GANC: variants seen among roughly 807,000 people sequenced by gnomAD.
The protein encoded by GANC is glucosidase alpha, neutral C.
In GANC, 117 loss-of-function variants were observed where a neutral mutation model predicts 124.2. The observed-to-expected ratio is 0.94, with a 90% confidence interval of 0.81 to 1.10. GANC has a LOEUF of 1.10. Among genes scored for constraint, GANC ranks in the 50% least tolerant of loss-of-function variants. The probability of loss-of-function intolerance (pLI) is 0.00; values close to 1 mark genes in which losing one functional copy is unlikely to be tolerated. For synonymous variants in GANC, 377 were observed against 376.8 expected, an observed-to-expected ratio of 1.00 and a Z score of -0.01; for missense variants, 1,140 against 1,095.0, an observed-to-expected ratio of 1.04 and a Z score of -0.58.
At chr15:42,316,163 T>C (rs1566956218) in intron 10 of GANC, among the ~76,000 whole-genome samples, 1 of 152,154 alleles carries the variant, frequency 6.6e-6, no homozygotes, top group Admixed American at 6.5e-5. Context: ...TGTATGCCAA[T>C]GATCACTGTA....
intron 19 of GANC, among the ~76,000 whole-genome samples, chr15:42,344,411 T>C (rs1362830904): frequency 1.3e-5 from 2 of 152,196 alleles, no homozygotes; most frequent in Non-Finnish European, 2.9e-5. Flanking sequence ...TGTGTGTCTC[T>C]GTCTATCTCT....
chr15:42,329,590 GTA>G, intron 14 of GANC, 141 bp downstream of exon 14: 1 of 710,776 alleles, frequency 1.4e-6, no homozygotes, highest in South Asian at 2.9e-5. Context: ...TGAGTCTTAG[GTA>G]GTAGCCAATA....
Position 42,306,543 on chromosome 15 carries a change from C to G in GANC, c.559-3C>G. On this transcript the variant is annotated splice_polypyrimidine_tract_variant and splice_region_variant and intron_variant, in intron 6 of 23. Coordinates refer to ENST00000318010, the MANE Select transcript of GANC (RefSeq NM_198141.3). ...CAGTTTGCTCCCTTTTTTGTACCAACAGGAAAATCAAGAAGATCTGGGCCT... is the reference window on the plus strand; with the variant it reads ...CAGTTTGCTCCCTTTTTTGTACCAAGAGGAAAATCAAGAAGATCTGGGCCT... 1 of 1,608,358 alleles carries G rather than the reference C, an allele frequency of 6.2e-7. No individual in the cohort carries two copies. The highest frequency in any genetic ancestry group is 8.5e-7 in the Non-Finnish European group (1 of 1,178,152).
At chr15:42,307,572 T>G (rs10775126) in intron 7 of GANC, among the ~76,000 whole-genome samples, 106,517 of 152,144 alleles carry the variant, frequency 0.7, 41,049 homozygotes, top group Non-Finnish European at 0.86. Context: ...CCATTTGATG[T>G]CAAATACTTT....
At chr15:42,330,838 A>C (rs1438260256) in intron 15 of GANC, among the ~76,000 whole-genome samples, 166 bp downstream of exon 15, 1 of 123,018 alleles carries the variant, frequency 8.1e-6, no homozygotes, top group Non-Finnish European at 1.6e-5. Flanking sequence ...CCCAGGCTGG[A>C]GTGCAGTGGC....
At chr15:42,330,818 C>T (rs1239139178) in intron 15 of GANC, 146 bp downstream of exon 15, 17 of 583,008 alleles carry the variant, frequency 2.9e-5, no homozygotes, top group African/African-American at 9.2e-5. Flanking sequence ...AACAGAGTCT[C>T]GCTTTGTCAC....
At chr15:42,349,529 A>G in intron 22 of GANC, 34 bp downstream of exon 22, 3 of 1,237,888 alleles carry the variant, frequency 2.4e-6, no homozygotes, top group Non-Finnish European at 3.6e-6. Context: ...TTGTTTTCTT[A>G]AGTAAATCAC....
At chr15:42,293,726 C>A (rs2051865666) in intron 5 of GANC, among the ~76,000 whole-genome samples, 1 of 151,652 alleles carries the variant, frequency 6.6e-6, no homozygotes, top group African/African-American at 2.4e-5. Flanking sequence ...GAACAAATAT[C>A]TGTGTACCCA....
chr15:42,288,760 A>G (rs1450648885), intron 4 of GANC, among the ~76,000 whole-genome samples: 1 of 152,146 alleles, frequency 6.6e-6, no homozygotes, highest in South Asian at 2.1e-4. Context: ...CTGGCCTCAA[A>G]TGATTCTCCC....
intron 3 of GANC, among the ~76,000 whole-genome samples, chr15:42,283,019 A>G (rs1315658721): frequency 6.6e-6 from 1 of 152,160 alleles, no homozygotes; most frequent in Admixed American, 6.5e-5. Context: ...ATCTAAACCT[A>G]ATTACCTCCC....
chr15:42,341,736 C>A (rs1197564739), intron 18 of GANC, among the ~76,000 whole-genome samples: 1 of 151,952 alleles, frequency 6.6e-6, no homozygotes, highest in African/African-American at 2.4e-5. Flanking sequence ...CTAATTTTTT[C>A]TATTTTTAGT....
Position 42,310,350 on chromosome 15 carries a change from A to T in GANC, c.790A>T (p.Ile264Phe). 6.2e-7 allele frequency: 1 copy of T among 1,613,646 alleles called. No homozygotes were observed. The highest frequency in any genetic ancestry group is 1.1e-5 in the South Asian group (1 of 91,016). Residue 264 changes from isoleucine (I) to phenylalanine (F), a missense_variant, in exon 9 of 24, where the codon ATT becomes TTT. By Grantham distance (21) the Ile-to-Phe change is conservative. Transcript: ENST00000318010. ...ATACCAAATATATGATAAAATGGGC[A>T]TTTATGGTTCAGTACCTTATCTCCT... is the stretch of plus-strand genomic sequence containing the variant. Reference protein sequence around the residue: ...YGYQIYDKMGIYGSVPYLLAH... With the variant: ...YGYQIYDKMGFYGSVPYLLAH...
chr15:42,332,767 A>G (rs181665162), intron 15 of GANC, among the ~76,000 whole-genome samples: 2 of 150,606 alleles, frequency 1.3e-5, no homozygotes, highest in African/African-American at 4.9e-5. Context: ...TAATCCCAGC[A>G]CTTTGGGAGG....
intron 15 of GANC, among the ~76,000 whole-genome samples, chr15:42,337,523 C>T (rs1052796421): frequency 2.0e-5 from 3 of 152,014 alleles, no homozygotes; most frequent in Non-Finnish European, 2.9e-5. Context: ...CACGTGGACA[C>T]ATAGAGGGGA....
At chr15:42,317,670 T>TAAAAAC (rs58162413) in intron 10 of GANC, among the ~76,000 whole-genome samples, 146,095 of 152,104 alleles carry the variant, frequency 0.96, 70,372 homozygotes, top group Non-Finnish European at 1. Context: ...GTAAAGCTGT[T>TAAAAAC]AAAAGTATTG....
At position 42,295,259 on chromosome 15, in the gene GANC, C is replaced by T. The variant is rs566233981; in HGVS notation, c.512+2342C>T. On this transcript the variant is annotated intron_variant, in intron 5 of 23. Transcript: ENST00000318010. ...AAAGTGCTGCGATTGCAGGCATGAG[C>T]GACCACGCCCCGCCTGTAGTTTTCA... Among the ~76,000 whole-genome samples the T allele has an allele frequency of 1.2e-4, 19 of 152,164 alleles. No individual in the cohort carries two copies. In the South Asian group the frequency reaches 2.7e-3, roughly 22 times the overall value.
chr15:42,351,963 T>A, intron 23 of GANC, 67 bp from the exon 24 acceptor site: 4 of 1,587,856 alleles, frequency 2.5e-6, no homozygotes, highest in Non-Finnish European at 3.4e-6. Context: ...ATTTCAGATT[T>A]GGAGAAAAGA....
At chr15:42,322,609 G>A (rs1284465513) in intron 11 of GANC, among the ~76,000 whole-genome samples, 1 of 152,158 alleles carries the variant, frequency 6.6e-6, no homozygotes, top group Non-Finnish European at 1.5e-5. Flanking sequence ...CGGGCCGAAG[G>A]GTAAGGGGGG....
At chr15:42,307,955 G>A (rs16973022) in intron 7 of GANC, among the ~76,000 whole-genome samples, 1 of 152,222 alleles carries the variant, frequency 6.6e-6, no homozygotes, top group African/African-American at 2.4e-5. Flanking sequence ...GAGATTTACT[G>A]TGAAGAGGAC....
Sources: allele counts gnomAD v4.1 joint callset (sites outside exome capture counted in the v4.1 genomes callset), GRCh38; gene constraint gnomAD v4.1.1; transcripts MANE v1.5; gene names NCBI Gene and HGNC (gene_info 2026-07-23, HGNC 2026-07-21).